MAGI3: variants seen among roughly 807,000 people sequenced by gnomAD.
MAGI3 encodes membrane-associated guanylate kinase, WW and PDZ domain-containing protein 3.
In MAGI3, 43 loss-of-function variants were observed where a neutral mutation model predicts 121.8. The observed-to-expected ratio is 0.35, with a 90% CI of 0.28 to 0.46. The LOEUF (loss-of-function observed/expected upper bound fraction) is 0.46. Ranked by LOEUF, MAGI3 falls within the 20% of genes least tolerant of loss-of-function variation. The pLI, the probability that MAGI3 is intolerant of heterozygous loss-of-function variation, is 1.00. For synonymous variants in MAGI3, 553 were observed against 639.3 expected (o/e 0.86, Z 2.04); for missense variants, 1,547 against 1,797.3 (o/e 0.86, Z 2.52).
At chr1:113,595,494 G>T (rs1648943610) in intron 6 of MAGI3, among the ~76,000 whole-genome samples, 1 of 150,752 alleles carries the variant, frequency 6.6e-6, no homozygotes, top group African/African-American at 2.5e-5. Context: ...GAGGTTCACA[G>T]TAGTCCTCCT....
chr1:113,563,159 G>A (rs1300472849), intron 2 of MAGI3, among the ~76,000 whole-genome samples: 2 of 152,138 alleles, frequency 1.3e-5, no homozygotes, highest in Non-Finnish European at 2.9e-5. Flanking sequence ...TGCCAAGTTG[G>A]TATAACATTT....
At chr1:113,549,701 T>C (rs1442811308) in intron 2 of MAGI3, 70 bp downstream of exon 2, 1 of 756,832 alleles carries the variant, frequency 1.3e-6, no homozygotes, top group Non-Finnish European at 2.1e-6. Context: ...CATCTACAGA[T>C]AGTTTGATGG....
intron 2 of MAGI3, among the ~76,000 whole-genome samples, chr1:113,553,211 C>T (rs1353059098): frequency 6.6e-6 from 1 of 152,124 alleles, no homozygotes; most frequent in Non-Finnish European, 1.5e-5. Context: ...TACTTAGAGG[C>T]ACTTTCTGGA....
At chr1:113,467,576 A>T (rs1429887808) in intron 1 of MAGI3, among the ~76,000 whole-genome samples, 1 of 152,164 alleles carries the variant, frequency 6.6e-6, no homozygotes, top group East Asian at 1.9e-4. Flanking sequence ...TCTGTCACTC[A>T]GGCTGGAGCA....
chr1:113,620,247 T>C (rs1650738489), intron 8 of MAGI3, among the ~76,000 whole-genome samples: 1 of 152,206 alleles, frequency 6.6e-6, no homozygotes, highest in South Asian at 2.1e-4. Context: ...ATATATCAAA[T>C]GATTTACCTA....
At chr1:113,671,876 A>T in intron 17 of MAGI3, 40 bp downstream of exon 17, 2 of 1,552,902 alleles carry the variant, frequency 1.3e-6, no homozygotes, top group Non-Finnish European at 1.8e-6. Context: ...TTTTTTTCTT[A>T]TTCTCTCCTT....
At chr1:113,603,693 A>G (rs978757183) in intron 6 of MAGI3, among the ~76,000 whole-genome samples, 1 of 152,200 alleles carries the variant, frequency 6.6e-6, no homozygotes, top group South Asian at 2.1e-4. Context: ...GTAAACTGAC[A>G]ACCTTCAGAA....
chr1:113,681,794 G>A (rs1390803991), intron 20 of MAGI3, among the ~76,000 whole-genome samples: 5 of 152,070 alleles, frequency 3.3e-5, no homozygotes, highest in Non-Finnish European at 5.9e-5. Flanking sequence ...CTGGTGACTC[G>A]GCAAAAACAA....
intron 1 of MAGI3, among the ~76,000 whole-genome samples, chr1:113,537,907 A>G (rs1659084583): frequency 6.6e-6 from 1 of 152,198 alleles, no homozygotes. Flanking sequence ...TTAGAAATGG[A>G]AATTGGAAAT....
At chr1:113,549,156 A>G (rs568239203) in intron 1 of MAGI3, among the ~76,000 whole-genome samples, 1 of 152,334 alleles carries the variant, frequency 6.6e-6, no homozygotes, top group East Asian at 1.9e-4. Context: ...AGAGCTTGGC[A>G]GAGGTAGATC....
chr1:113,650,988 C>A (rs746565534), intron 13 of MAGI3, 26 bp from the exon 14 acceptor site: 1 of 1,599,150 alleles, frequency 6.3e-7, no homozygotes, highest in Non-Finnish European at 8.5e-7. Context: ...CACTGTGGAC[C>A]AAACTGTACT....
intron 2 of MAGI3, among the ~76,000 whole-genome samples, chr1:113,562,534 A>G (rs1158237870): frequency 1.3e-5 from 2 of 152,260 alleles, no homozygotes; most frequent in Non-Finnish European, 2.9e-5. Context: ...ATTCCCATTA[A>G]ACTAACATTG....
chr1:113,487,762 ATT>A, intron 1 of MAGI3, among the ~76,000 whole-genome samples: 1 of 149,368 alleles, frequency 6.7e-6, no homozygotes, highest in Non-Finnish European at 1.5e-5. Flanking sequence ...TTTTTTTTTC[ATT>A]TTTTCTATAT....
At chr1:113,416,278 T>C (rs62645190) in intron 1 of MAGI3, among the ~76,000 whole-genome samples, 2 of 63,890 alleles carry the variant, frequency 3.1e-5, no homozygotes, top group Non-Finnish European at 6.4e-5. Context: ...TGTAATTAAT[T>C]ACACATATTA....
At position 113,619,837 on chromosome 1, in the gene MAGI3, A is replaced by C; in HGVS notation, c.1171+7A>C. 6.3e-7 allele frequency: 1 copy of C among 1,581,088 alleles called. No homozygotes were observed. Among genetic ancestry groups the C allele is most frequent in the Non-Finnish European group, 8.7e-7 (1 of 1,152,826 alleles). On this transcript the variant is annotated splice_region_variant and intron_variant, in intron 8 of 20. Coordinates refer to ENST00000307546, the MANE Select transcript of MAGI3 (RefSeq NM_001142782.2). ...ATTGGGTCTTCAAAACCAGGTAAGCATTCTTTTCAATCTTTTCTTCTAAGA... is the reference window on the plus strand; with the variant it reads ...ATTGGGTCTTCAAAACCAGGTAAGCCTTCTTTTCAATCTTTTCTTCTAAGA...
At chr1:113,408,847 C>T (rs991397661) in intron 1 of MAGI3, among the ~76,000 whole-genome samples, 1 of 151,972 alleles carries the variant, frequency 6.6e-6, no homozygotes, top group Non-Finnish European at 1.5e-5. Flanking sequence ...AATTTATTTC[C>T]TTTAGAGATT....
At chr1:113,448,046 A>C (rs2101477044) in intron 1 of MAGI3, among the ~76,000 whole-genome samples, 3 of 152,338 alleles carry the variant, frequency 2.0e-5, no homozygotes, top group East Asian at 3.9e-4. Context: ...TTATATTTTA[A>C]GTAGACAGAT....
intron 2 of MAGI3, among the ~76,000 whole-genome samples, chr1:113,572,639 G>A (rs1647370304): frequency 6.6e-6 from 1 of 152,102 alleles, no homozygotes; most frequent in African/African-American, 2.4e-5. Context: ...TATGTGTCCA[G>A]GAATTTATCC....
At chr1:113,398,740 A>G (rs2101284412) in intron 1 of MAGI3, among the ~76,000 whole-genome samples, 1 of 152,264 alleles carries the variant, frequency 6.6e-6, no homozygotes, top group East Asian at 1.9e-4. Flanking sequence ...TCATTTTCTG[A>G]ACTTAAATAG....
Sources: gnomAD v4.1 joint callset for allele counts (sites outside exome capture counted in the v4.1 genomes callset) on GRCh38, gnomAD v4.1.1 for gene constraint, MANE v1.5 for transcripts, NCBI Gene and HGNC (gene_info 2026-07-23, HGNC 2026-07-21) for gene names.